The following PRKG1 variants were observed in gnomAD, a reference collection of about 807,000 sequenced individuals.
PRKG1 encodes the protein protein kinase cGMP-dependent 1.
In PRKG1, 35 loss-of-function variants were observed where a neutral mutation model predicts 88.1. That is an observed-to-expected ratio of 0.40 (90% confidence interval 0.30 to 0.53). PRKG1 has a LOEUF of 0.53. Ranked by LOEUF, PRKG1 falls within the 20% of genes least tolerant of loss-of-function variation. The pLI is 0.59. For synonymous variants in PRKG1, 303 were observed against 292.5 expected, an observed-to-expected ratio of 1.04 and a Z score of -0.37; for missense variants, 540 against 839.8, an observed-to-expected ratio of 0.64 and a Z score of 4.41.
In PRKG1 at chr10:51,048,523, G is replaced by A. The variant is rs527812416; in HGVS notation, c.266+56879G>A. The stretch of plus-strand genomic sequence containing the variant: ...TCTCAAGAGTCTGCAAAAAATCTTC[G>A]TTTATATGATTTGAGCTTCAAATCA... On this transcript the variant is annotated intron_variant, in intron 1 of 17. Coordinates refer to the PRKG1 transcript ENST00000401604. 4.9e-4 allele frequency among the ~76,000 whole-genome samples: 75 copies of A among 152,108 alleles called. 1 individual carries two copies. Among genetic ancestry groups the A allele is most frequent in the African/African-American group, 1.8e-3 (73 of 41,478 alleles).
chr10:52,058,023 C>T (rs572898628), intron 6 of PRKG1, among the ~76,000 whole-genome samples: 90 of 151,884 alleles, frequency 5.9e-4, no homozygotes, highest in African/African-American at 2.0e-3. Context: ...ATTATTTATA[C>T]ATGATATGTT....
At chr10:51,574,346 G>C (rs1356532757) in intron 3 of PRKG1, among the ~76,000 whole-genome samples, 2 of 151,812 alleles carry the variant, frequency 1.3e-5, no homozygotes, top group Non-Finnish European at 2.9e-5. Context: ...AATTCCAAAG[G>C]GGAGGGTTGC....
intron 1 of PRKG1, among the ~76,000 whole-genome samples, chr10:51,136,847 A>G (rs1845695921): frequency 6.6e-6 from 1 of 152,148 alleles, no homozygotes; most frequent in African/African-American, 2.4e-5. Context: ...TACATCTTTC[A>G]AAATGTTATT....
At chr10:51,224,690 T>G (rs1266212061) in intron 2 of PRKG1, among the ~76,000 whole-genome samples, 1 of 152,184 alleles carries the variant, frequency 6.6e-6, no homozygotes, top group Admixed American at 6.5e-5. Flanking sequence ...CGTCCTATAT[T>G]TCTGTAAACT....
chr10:52,015,254 A>C (rs914274118), intron 5 of PRKG1, among the ~76,000 whole-genome samples: 2 of 152,160 alleles, frequency 1.3e-5, no homozygotes, highest in African/African-American at 4.8e-5. Flanking sequence ...CCCAAAGCTA[A>C]ACTTTTGTCT....
intron 5 of PRKG1, among the ~76,000 whole-genome samples, chr10:51,975,398 T>C (rs958233680): frequency 3.3e-5 from 5 of 151,750 alleles, no homozygotes; most frequent in African/African-American, 4.8e-5. Context: ...GCGGGGGAAA[T>C]AGGTTATGAC....
At position 51,115,611 on chromosome 10, in the gene PRKG1, G is replaced by A. The variant is rs191724627; in HGVS notation, c.312-37553G>A. ...TCCCAGAATTTTGGGAGGCCGAGGCGGGAGGATCACGAGGTCAAGAGATAG... is the reference window on the plus strand; with the variant it reads ...TCCCAGAATTTTGGGAGGCCGAGGCAGGAGGATCACGAGGTCAAGAGATAG... On this transcript the variant is annotated intron_variant, in intron 1 of 17. Transcript: ENST00000373980. Among the ~76,000 whole-genome samples, 297 of 151,398 alleles carry A rather than the reference G, an allele frequency of 2.0e-3. 5 individuals carry two copies. The highest frequency in any genetic ancestry group is 0.017 in the Admixed American group (261 of 15,182).
Position 51,858,874 on chromosome 10 carries a change from G to A in PRKG1, c.699-48633G>A, listed in dbSNP as rs963159487. On this transcript the variant is annotated intron_variant, in intron 4 of 17. Transcript: ENST00000373980. ...AATCGCTAATTCTAATGGATTAGAG[G>A]GTCTTTATCTCAATAGGCAAACAGT... is the stretch of plus-strand genomic sequence containing the variant. Among the ~76,000 whole-genome samples, 31 of 152,100 alleles carry A rather than the reference G, an allele frequency of 2.0e-4. No individual in the cohort carries two copies. The Middle Eastern group carries it at 0.01, about 50-fold the overall frequency.
At chr10:51,397,966 T>C (rs950964391) in intron 2 of PRKG1, among the ~76,000 whole-genome samples, 9 of 152,218 alleles carry the variant, frequency 5.9e-5, no homozygotes, top group Admixed American at 5.9e-4. Context: ...TGGCAGCAGT[T>C]GATATATCAA....
intron 2 of PRKG1, among the ~76,000 whole-genome samples, chr10:51,167,559 G>T (rs1315928248): frequency 3.3e-5 from 5 of 152,146 alleles, no homozygotes; most frequent in Non-Finnish European, 5.9e-5. Context: ...AGAAAAATTG[G>T]ATTGTAGAGT....
intron 2 of PRKG1, among the ~76,000 whole-genome samples, chr10:51,215,695 C>A (rs762353781): frequency 6.6e-6 from 1 of 152,208 alleles, no homozygotes; most frequent in Non-Finnish European, 1.5e-5. Context: ...CTCTCCCTCT[C>A]CATCCCTCTC....
chr10:51,647,729 A>G (rs1009625143), intron 3 of PRKG1, among the ~76,000 whole-genome samples: 1 of 152,206 alleles, frequency 6.6e-6, no homozygotes, highest in South Asian at 2.1e-4. Context: ...AACTCTTGAT[A>G]ATAAAAATGC....
intron 7 of PRKG1, among the ~76,000 whole-genome samples, chr10:52,130,848 A>AT (rs1837234850): frequency 6.6e-6 from 1 of 152,204 alleles, no homozygotes; most frequent in Non-Finnish European, 1.5e-5. Flanking sequence ...GTGTTTCTGA[A>AT]TAGGAGTGTT....
intron 2 of PRKG1, among the ~76,000 whole-genome samples, chr10:51,436,820 T>C (rs10997541): frequency 0.31 from 47,182 of 151,918 alleles, 8,129 homozygotes; most frequent in African/African-American, 0.45. Flanking sequence ...GCATAGACTA[T>C]TCAATCATCA....
At chr10:52,174,725 A>G (rs1000511601) in intron 9 of PRKG1, among the ~76,000 whole-genome samples, 1 of 152,058 alleles carries the variant, frequency 6.6e-6, no homozygotes, top group Non-Finnish European at 1.5e-5. Context: ...AGAAGCACAC[A>G]TATTCCCAGC....
At chr10:52,036,345 G>T (rs1307266724) in intron 5 of PRKG1, among the ~76,000 whole-genome samples, 4 of 151,932 alleles carry the variant, frequency 2.6e-5, no homozygotes, top group Admixed American at 2.6e-4. Context: ...AAAACAATTT[G>T]GTTGATAAGG....
chr10:51,249,037 T>C (rs1294968060), intron 2 of PRKG1, among the ~76,000 whole-genome samples: 1 of 151,726 alleles, frequency 6.6e-6, no homozygotes, highest in East Asian at 1.9e-4. Context: ...AAAAGCAATA[T>C]AAGGTTTAAT....
chr10:51,849,880 A>G (rs967767481), intron 4 of PRKG1, among the ~76,000 whole-genome samples: 3 of 152,144 alleles, frequency 2.0e-5, no homozygotes, highest in Non-Finnish European at 1.5e-5. Context: ...AGTTTTTTTA[A>G]AAAAGATCAA....
In PRKG1 at chr10:51,118,746, A is replaced by G. The variant is rs185363500; in HGVS notation, c.312-34418A>G. 2.2e-3 allele frequency among the ~76,000 whole-genome samples: 330 copies of G among 152,196 alleles called. 4 individuals carry two copies. Among genetic ancestry groups the G allele is most frequent in the Non-Finnish European group, 2.3e-3 (156 of 67,988 alleles). ...TCCCTCTGCAACCTACTGTTGTTCTATTCGTCTCTGCAGAATATTCTATTT... is the reference window on the plus strand; with the variant it reads ...TCCCTCTGCAACCTACTGTTGTTCTGTTCGTCTCTGCAGAATATTCTATTT... On this transcript the variant is annotated intron_variant, in intron 1 of 17. Coordinates refer to ENST00000373980, the MANE Select transcript of PRKG1 (RefSeq NM_006258.4).
Sources: gnomAD v4.1 joint callset for allele counts (sites outside exome capture counted in the v4.1 genomes callset) on GRCh38, gnomAD v4.1.1 for gene constraint, MANE v1.5 for transcripts, NCBI Gene and HGNC (gene_info 2026-07-23, HGNC 2026-07-21) for gene names.